The following SDK2 variants were observed in gnomAD, a reference collection of about 807,000 sequenced individuals.
SDK2 encodes the protein sidekick cell adhesion molecule 2.
SDK2 carries 105 observed loss-of-function variants against 253.9 expected under a neutral mutation model. The ratio of observed to expected loss-of-function variants is 0.41; its 90% CI spans 0.35 to 0.49. The LOEUF (loss-of-function observed/expected upper bound fraction) is 0.49, where lower values mean the gene tolerates loss of function less well. Among genes scored for constraint, SDK2 ranks in the 20% least tolerant of loss-of-function variants. The probability of loss-of-function intolerance (pLI) is 0.06; values close to 1 mark genes in which losing one functional copy is unlikely to be tolerated. For synonymous variants in SDK2, 1,249 were observed against 1,234.9 expected (o/e 1.01, Z -0.24); for missense variants, 2,608 against 3,003.0 (o/e 0.87, Z 3.07).
intron 20 of SDK2, 84 bp downstream of exon 20, chr17:73,401,570 G>T: frequency 7.8e-7 from 1 of 1,284,142 alleles, no homozygotes; most frequent in Non-Finnish European, 1.1e-6. Flanking sequence ...TGGGTGAAAA[G>T]TAGCTCAAAG....
chr17:73,356,731 C>T (rs2145411231), intron 40 of SDK2, among the ~76,000 whole-genome samples: 1 of 152,346 alleles, frequency 6.6e-6, no homozygotes, highest in Non-Finnish European at 1.5e-5. Flanking sequence ...ATCCTGTCCT[C>T]TGCTCTCTGG....
At chr17:73,472,266 G>T (rs568210570) in intron 2 of SDK2, 48 bp from the exon 3 acceptor site, 3 of 1,394,128 alleles carry the variant, frequency 2.2e-6, no homozygotes, top group East Asian at 5.0e-5. Context: ...CAGCTGCAGG[G>T]GTACAGAGGT....
chr17:73,636,773 C>T (rs150401625), intron 1 of SDK2, among the ~76,000 whole-genome samples: 311 of 148,822 alleles, frequency 2.1e-3, no homozygotes, highest in South Asian at 9.9e-3. Flanking sequence ...AGCAAAGATA[C>T]CAGAGAAGAA....
Position 73,352,142 on chromosome 17 carries a change from T to C in SDK2, c.5758+331A>G, listed in dbSNP as rs533148417. 1.4e-4 allele frequency among the ~76,000 whole-genome samples: 22 copies of C among 152,164 alleles called. No homozygotes were observed. The highest frequency in any genetic ancestry group is 5.1e-4 in the African/African-American group (21 of 41,508). ...GGGGCTGGAGGTTTCCATGGAAAGATAGTTTATGGCCTGGTGCCCATGAAT... is the reference window on the plus strand; with the variant it reads ...GGGGCTGGAGGTTTCCATGGAAAGACAGTTTATGGCCTGGTGCCCATGAAT... On this transcript the variant is annotated intron_variant, in intron 41 of 44. Coordinates refer to ENST00000392650, the MANE Select transcript of SDK2 (RefSeq NM_001144952.2). The surrounding 1 kb of genome is among the most constrained non-coding windows in gnomAD (Gnocchi z 4.1).
intron 17 of SDK2, among the ~76,000 whole-genome samples, chr17:73,415,350 CTTTTTTTTTT>C (rs35201251): frequency 4.9e-5 from 6 of 122,126 alleles, no homozygotes; most frequent in African/African-American, 1.9e-4. Context: ...TTTCATTTCA[CTTTTTTTTTT>C]TTTTTTTTTT....
Position 73,348,551 on chromosome 17 carries a change from G to A in SDK2, c.6165+48C>T, listed in dbSNP as rs1270823222. ...CTACGTTCACTGCCCCACTCTGGGA[G>A]GCGCTGCTCCCTGCCCCCTGCAGGA... On this transcript the variant is annotated intron_variant, in intron 44 of 44. Transcript: ENST00000392650. 3 of 1,596,912 alleles carry A rather than the reference G, an allele frequency of 1.9e-6. No individual in the cohort carries two copies. The East Asian group carries it at 6.7e-5, about 36-fold the overall frequency.
Position 73,594,532 on chromosome 17 carries a change from C to G in SDK2, c.64+49493G>C, listed in dbSNP as rs369915256. On this transcript the variant is annotated intron_variant, in intron 1 of 44. Transcript: ENST00000392650. ...ATATATTAGATATCACAGAAGCAAG[C>G]TGGAGTCCCAGCAATGTGCTTGCTC... 5.9e-5 allele frequency among the ~76,000 whole-genome samples: 9 copies of G among 152,060 alleles called. No individual in the cohort carries two copies. The East Asian group carries it at 9.6e-4, about 16-fold the overall frequency.
chr17:73,476,944 C>T (rs1162471666), intron 2 of SDK2, among the ~76,000 whole-genome samples: 1 of 152,230 alleles, frequency 6.6e-6, no homozygotes, highest in Non-Finnish European at 1.5e-5. Context: ...CCTCCGCCTC[C>T]GTTTCTTTGG....
At chr17:73,474,451 C>T (rs2063672066) in intron 2 of SDK2, among the ~76,000 whole-genome samples, 1 of 152,244 alleles carries the variant, frequency 6.6e-6, no homozygotes, top group Non-Finnish European at 1.5e-5. Context: ...GCCCCACCCT[C>T]CATCCTGGGT....
At chr17:73,521,750 GC>G (rs1249196906) in intron 1 of SDK2, among the ~76,000 whole-genome samples, 1 of 151,708 alleles carries the variant, frequency 6.6e-6, no homozygotes, top group Non-Finnish European at 1.5e-5. Context: ...TTTACAGACT[GC>G]TCGAGACAGA....
At chr17:73,548,278 C>T (rs2044998234) in intron 1 of SDK2, among the ~76,000 whole-genome samples, 1 of 152,190 alleles carries the variant, frequency 6.6e-6, no homozygotes, top group South Asian at 2.1e-4. Flanking sequence ...TTTCTGCTGC[C>T]CTGCAGCTTG....
At chr17:73,634,730 C>T (rs186340065) in intron 1 of SDK2, among the ~76,000 whole-genome samples, 148 of 152,330 alleles carry the variant, frequency 9.7e-4, no homozygotes, top group African/African-American at 3.3e-3. Flanking sequence ...AGGCCCCAAA[C>T]GGACCTTGCT....
intron 1 of SDK2, among the ~76,000 whole-genome samples, chr17:73,547,043 T>C (rs117740401): frequency 6.6e-6 from 1 of 152,326 alleles, no homozygotes; most frequent in East Asian, 1.9e-4. Flanking sequence ...CCCTCCTCTG[T>C]ATGCATCCCC....
At chr17:73,591,716 C>T (rs944001167) in intron 1 of SDK2, among the ~76,000 whole-genome samples, 10 of 152,064 alleles carry the variant, frequency 6.6e-5, no homozygotes, top group African/African-American at 1.4e-4. Context: ...CATGGCATGG[C>T]GAAAGGTATG....
intron 36 of SDK2, among the ~76,000 whole-genome samples, chr17:73,371,376 C>A (rs190959405): frequency 6.6e-6 from 1 of 152,008 alleles, no homozygotes; most frequent in African/African-American, 2.4e-5. Flanking sequence ...GAAGAGCTAG[C>A]GAGGGAAGCT....
intron 1 of SDK2, among the ~76,000 whole-genome samples, chr17:73,619,898 C>T (rs2046107270): frequency 6.6e-6 from 1 of 152,070 alleles, no homozygotes; most frequent in Non-Finnish European, 1.5e-5. Flanking sequence ...AACAACAAAA[C>T]ATAATTAAAA....
chr17:73,403,798 C>T (rs918091389), intron 18 of SDK2, among the ~76,000 whole-genome samples: 2 of 152,278 alleles, frequency 1.3e-5, no homozygotes, highest in East Asian at 3.9e-4. Context: ...TACTAAGTGG[C>T]ATTTAATAAG....
chr17:73,430,141 G>A lies in SDK2; in HGVS notation c.1583+370C>T, dbSNP rs74553202. On this transcript the variant is annotated intron_variant, in intron 12 of 44. Transcript: ENST00000392650. ...GCCAAAGACTTGGGGTGGGCTGGGG[G>A]ACACTAGCAGTGGCGTCCAGGGCCA... Among the ~76,000 whole-genome samples the A allele has an allele frequency of 2.6e-5, 4 of 152,272 alleles. No homozygotes were observed. In the South Asian group the frequency reaches 8.3e-4, roughly 32 times the overall value.
chr17:73,608,783 G>T (rs1472643264), intron 1 of SDK2, among the ~76,000 whole-genome samples: 2 of 152,096 alleles, frequency 1.3e-5, no homozygotes, highest in African/African-American at 4.8e-5. Flanking sequence ...GGAAGCAGCT[G>T]CACTAACAGC....
Sources: gnomAD v4.1 joint callset for allele counts (sites outside exome capture counted in the v4.1 genomes callset) on GRCh38, gnomAD v4.1.1 for gene constraint, Gnocchi (gnomAD v3.1) non-coding constraint, MANE v1.5 for transcripts, NCBI Gene and HGNC (gene_info 2026-07-23, HGNC 2026-07-21) for gene names.